Variants in CDH19 observed in about 807,000 individuals in gnomAD.
CDH19 encodes cadherin-19.
CDH19 carries 67 observed loss-of-function variants against 64.2 expected under a neutral mutation model. The observed-to-expected ratio is 1.04, with a 90% CI of 0.86 to 1.28. CDH19 has a LOEUF of 1.28. Ranked by LOEUF, CDH19 falls within the 50% of genes most tolerant of loss-of-function variation. The pLI is 0.00. For synonymous variants in CDH19, 346 were observed against 319.3 expected, an observed-to-expected ratio of 1.08 and a Z score of -0.89; for missense variants, 1,030 against 929.0, an observed-to-expected ratio of 1.11 and a Z score of -1.41.
In CDH19 at chr18:66,508,891, AT is replaced by A. The variant is rs1255944777; in HGVS notation, c.1828+103del. The A allele has an allele frequency of 1.3e-5, 16 of 1,205,082 alleles. No homozygotes were observed. In the Admixed American group the frequency reaches 3.3e-4, roughly 25 times the overall value. 74.6% of individuals were successfully genotyped at this position (1,205,082 alleles called of 1,614,324 possible). On this transcript the variant is annotated intron_variant, in intron 11 of 11. Transcript: ENST00000262150. ...AATGCTATAATAGAATTAACTATGT[AT>A]TTATCATGTTATTTTAAATAAATGA... is the stretch of plus-strand genomic sequence containing the variant.
intron 3 of CDH19, among the ~76,000 whole-genome samples, chr18:66,558,754 C>T (rs1307723672): frequency 6.6e-6 from 1 of 151,996 alleles, no homozygotes; most frequent in East Asian, 1.9e-4. Flanking sequence ...GATCAATTGT[C>T]TTATAGTGCC....
At chr18:66,506,034 G>A (rs1176129209) in intron 11 of CDH19, among the ~76,000 whole-genome samples, 2 of 151,960 alleles carry the variant, frequency 1.3e-5, no homozygotes, top group Non-Finnish European at 2.9e-5. Flanking sequence ...AGATGAACCT[G>A]CTGGACATCA....
intron 1 of CDH19, among the ~76,000 whole-genome samples, chr18:66,583,981 CA>C (rs1334142474): frequency 1.3e-5 from 2 of 152,014 alleles, no homozygotes; most frequent in Non-Finnish European, 2.9e-5. Context: ...GCGATCACAA[CA>C]AAAGGAAAAA....
chr18:66,597,449 A>T (rs995087254), intron 1 of CDH19, among the ~76,000 whole-genome samples: 19 of 152,158 alleles, frequency 1.2e-4, no homozygotes, highest in Non-Finnish European at 2.2e-4. Context: ...CATATAAAAA[A>T]ATCAGTACAG....
At position 66,503,454 on chromosome 18, in the gene CDH19, T is replaced by C. The variant is rs1053597196; in HGVS notation, c.*1358A>G. 1.3e-5 allele frequency: 2 copies of C among 151,844 alleles called. No homozygotes were observed. The highest frequency in any genetic ancestry group is 2.9e-5 in the Non-Finnish European group (2 of 67,808). 9.4% of individuals were successfully genotyped at this position (151,844 alleles called of 1,614,324 possible). A position where few individuals can be genotyped will look rare whatever the true frequency, so the allele number is the denominator to read the frequency against. On this transcript the variant is annotated 3_prime_UTR_variant, in exon 12 of 12. Coordinates refer to ENST00000262150, the MANE Select transcript of CDH19 (RefSeq NM_021153.4). ...CCCATGAATGGTAAGTCAGTTCAGTTGATCATAATATTTACAGTGAATAGT... is the reference window on the plus strand; with the variant it reads ...CCCATGAATGGTAAGTCAGTTCAGTCGATCATAATATTTACAGTGAATAGT...
chr18:66,591,052 T>C (rs1988729275), intron 1 of CDH19, among the ~76,000 whole-genome samples: 1 of 151,936 alleles, frequency 6.6e-6, no homozygotes, highest in Non-Finnish European at 1.5e-5. Context: ...GCATAAAATG[T>C]AATGATTTGT....
chr18:66,574,543 A>T (rs1988209628), intron 1 of CDH19, among the ~76,000 whole-genome samples: 1 of 151,718 alleles, frequency 6.6e-6, no homozygotes, highest in Non-Finnish European at 1.5e-5. Flanking sequence ...AAATCTTCTG[A>T]AAAAACATAA....
chr18:66,596,861 T>C (rs1412990071), intron 1 of CDH19, among the ~76,000 whole-genome samples: 1 of 151,164 alleles, frequency 6.6e-6, no homozygotes, highest in African/African-American at 2.4e-5. Context: ...GGCGGGCGGA[T>C]CACGAGGTCA....
chr18:66,551,405 A>T, intron 4 of CDH19, 147 bp from the exon 5 acceptor site: 1 of 582,008 alleles, frequency 1.7e-6, no homozygotes, highest in Non-Finnish European at 3.0e-6. Context: ...AAAATAATAA[A>T]AAATAAATTA....
At chr18:66,574,262 G>T (rs1457282649) in intron 1 of CDH19, among the ~76,000 whole-genome samples, 1 of 151,482 alleles carries the variant, frequency 6.6e-6, no homozygotes, top group Non-Finnish European at 1.5e-5. Context: ...TAAATGTTTA[G>T]GGGCTTGATT....
intron 1 of CDH19, among the ~76,000 whole-genome samples, chr18:66,587,947 T>C (rs1345519605): frequency 6.6e-6 from 1 of 152,168 alleles, no homozygotes; most frequent in East Asian, 1.9e-4. Flanking sequence ...ATTATATTCA[T>C]TTCAAAAGAG....
At chr18:66,554,646 C>A (rs904054196) in intron 3 of CDH19, 122 bp from the exon 4 acceptor site, 6 of 651,654 alleles carry the variant, frequency 9.2e-6, no homozygotes, top group Non-Finnish European at 1.2e-5. Flanking sequence ...CAATTCACCT[C>A]CTTGTTCTTA....
intron 1 of CDH19, among the ~76,000 whole-genome samples, chr18:66,584,288 C>T (rs529317481): frequency 2.0e-5 from 3 of 151,890 alleles, no homozygotes; most frequent in Non-Finnish European, 2.9e-5. Context: ...ATCAAAAGTA[C>T]GAGATACCAT....
chr18:66,556,975 T>A (rs908471422), intron 3 of CDH19, among the ~76,000 whole-genome samples: 4 of 151,908 alleles, frequency 2.6e-5, no homozygotes, highest in African/African-American at 9.7e-5. Flanking sequence ...GGAATGTAGA[T>A]TCATGTAGCC....
intron 8 of CDH19, among the ~76,000 whole-genome samples, chr18:66,532,867 T>C (rs1310449944): frequency 1.3e-5 from 2 of 152,146 alleles, no homozygotes; most frequent in African/African-American, 4.8e-5. Flanking sequence ...CCAGTGAATA[T>C]AGAATGAATT....
At chr18:66,551,558 C>T (rs1416597330) in intron 4 of CDH19, among the ~76,000 whole-genome samples, 1 of 151,952 alleles carries the variant, frequency 6.6e-6, no homozygotes, top group Non-Finnish European at 1.5e-5. Flanking sequence ...TTTCTGCTAT[C>T]TCTTCTAACA....
rs549555422 is a variant in CDH19 at position 66,565,750 on chromosome 18, G to A, written c.490+2666C>T. On this transcript the variant is annotated intron_variant, in intron 3 of 11. Transcript: ENST00000262150. The stretch of plus-strand genomic sequence containing the variant: ...AAACCGTTGCTAGAAGTTTGGCAAA[G>A]CAATAGAAATATTCCCCTATTTCCA... Among the ~76,000 whole-genome samples the A allele has an allele frequency of 2.0e-5, 3 of 152,032 alleles. No homozygotes were observed. The South Asian group carries it at 6.2e-4, about 32-fold the overall frequency.
At chr18:66,586,094 A>G (rs1988570471) in intron 1 of CDH19, among the ~76,000 whole-genome samples, 1 of 152,066 alleles carries the variant, frequency 6.6e-6, no homozygotes, top group African/African-American at 2.4e-5. Context: ...TAAAAATATA[A>G]TGTATTCCGG....
intron 7 of CDH19, among the ~76,000 whole-genome samples, chr18:66,543,520 C>T (rs1172362032): frequency 6.6e-6 from 1 of 152,062 alleles, no homozygotes; most frequent in Non-Finnish European, 1.5e-5. Flanking sequence ...ACTGAGGTTC[C>T]CTATTTTGCT....
Sources: gnomAD v4.1 joint callset for allele counts (sites outside exome capture counted in the v4.1 genomes callset) on GRCh38, gnomAD v4.1.1 for gene constraint, MANE v1.5 for transcripts, NCBI Gene and HGNC (gene_info 2026-07-23, HGNC 2026-07-21) for gene names.